PMFBP1: variants seen among roughly 807,000 people sequenced by gnomAD.
PMFBP1 encodes polyamine-modulated factor 1-binding protein 1.
A neutral mutation model predicts 137.8 loss-of-function variants in PMFBP1; 131 were observed. The ratio of observed to expected loss-of-function variants is 0.95; its 90% CI spans 0.82 to 1.10. The LOEUF (loss-of-function observed/expected upper bound fraction) is 1.10. PMFBP1 is among the 50% of genes least tolerant of loss of function. The pLI, the probability that PMFBP1 is intolerant of heterozygous loss-of-function variation, is 0.00. For synonymous variants in PMFBP1, 490 were observed against 450.4 expected (o/e 1.09, Z -1.11); for missense variants, 1,199 against 1,175.4 (o/e 1.02, Z -0.29).
At chr16:72,143,780 C>T (rs972539613) in intron 5 of PMFBP1, among the ~76,000 whole-genome samples, 1 of 151,824 alleles carries the variant, frequency 6.6e-6, no homozygotes, top group Non-Finnish European at 1.5e-5. Context: ...GTGGCTCATG[C>T]CTGTAATCCC....
chr16:72,171,301 G>A (rs2043217483), intron 1 of PMFBP1, 33 bp from the exon 2 acceptor site: 5 of 1,377,228 alleles, frequency 3.6e-6, no homozygotes, highest in Non-Finnish European at 5.1e-6. Flanking sequence ...GATGGAAAAA[G>A]TATAAATGAG....
At chr16:72,147,902 A>G (rs1341452177) in intron 5 of PMFBP1, among the ~76,000 whole-genome samples, 6 of 152,302 alleles carry the variant, frequency 3.9e-5, no homozygotes, top group African/African-American at 1.4e-4. Context: ...GAGAAATAGG[A>G]ACACTTTTAC....
intron 9 of PMFBP1, 68 bp downstream of exon 9, chr16:72,136,373 GCAGAACC>G: frequency 6.5e-7 from 1 of 1,529,138 alleles, no homozygotes; most frequent in Non-Finnish European, 8.9e-7. Context: ...GTGGGTGAAG[GCAGAACC>G]GGTTAATGCC....
rs2042886627 is a variant in PMFBP1 at position 72,150,620 on chromosome 16, C to CCCG, written c.621_623dup (p.Gly208dup). ...ACTTAAGTCCTACCTGACCCATGAT[C>CCCG]CCGCCGAGTTCCCCCTGCAACATCT... is the stretch of plus-strand genomic sequence containing the variant. On this transcript the variant is annotated inframe_insertion, in exon 5 of 21. Transcript: ENST00000237353. The CCCG allele has an allele frequency of 6.2e-7, 1 of 1,612,804 alleles. No individual in the cohort carries two copies. Among genetic ancestry groups the CCCG allele is most frequent in the Non-Finnish European group, 8.5e-7 (1 of 1,180,016 alleles).
At chr16:72,185,310 C>T in the PMFBP1 span, among the ~76,000 whole-genome samples, 2 of 152,092 alleles carry the variant, frequency 1.3e-5, no homozygotes, top group Admixed American at 1.3e-4. Flanking sequence ...AGGCATGAGC[C>T]ACCGTGCACA....
intron 7 of PMFBP1, among the ~76,000 whole-genome samples, chr16:72,137,819 T>C (rs1428721073): frequency 6.6e-6 from 1 of 151,936 alleles, no homozygotes; most frequent in Non-Finnish European, 1.5e-5. Flanking sequence ...GAGTTATTTG[T>C]GTGATTTCAG....
At chr16:72,212,373 T>C in the PMFBP1 span, among the ~76,000 whole-genome samples, 1 of 152,026 alleles carries the variant, frequency 6.6e-6, no homozygotes, top group Non-Finnish European at 1.5e-5. Flanking sequence ...GATAAACCTG[T>C]CTAGAAGAGG....
rs774439033 is a variant in PMFBP1, at chr16:72,164,829, T to C, written c.100A>G (p.Lys34Glu). 16 of 1,610,342 alleles carry C rather than the reference T, an allele frequency of 9.9e-6. No homozygotes were observed. The highest frequency in any genetic ancestry group is 1.4e-5 in the Non-Finnish European group (16 of 1,176,942). The change falls in exon 3 of 21, where the codon AAG (lysine) becomes GAG (glutamate). Residue 34 changes from lysine (K) to glutamate (E), a missense_variant. Transcript: ENST00000237353. ...LDIKNLHDVC[K>E]RQRKTLQDNQ... ...TCCTGCAAGGTCTTCCTCTGTCTCT[T>C]GCAGACATCGTGCAGATTCTTGATG...
At chr16:72,177,109 G>A (rs534895530), upstream of PMFBP1, among the ~76,000 whole-genome samples, 2 of 152,278 alleles carry the variant, frequency 1.3e-5, no homozygotes, top group Admixed American at 1.3e-4. Context: ...CCATTTTGAA[G>A]TACACAGTCC....
At chr16:72,230,176 T>C in the PMFBP1 span, among the ~76,000 whole-genome samples, 1 of 152,190 alleles carries the variant, frequency 6.6e-6, no homozygotes, top group Non-Finnish European at 1.5e-5. Flanking sequence ...AGCTAGGCAC[T>C]AGGATAATAG....
chr16:72,199,394 C>T, the PMFBP1 span, among the ~76,000 whole-genome samples: 17 of 152,170 alleles, frequency 1.1e-4, no homozygotes, highest in Non-Finnish European at 2.4e-4. Flanking sequence ...TGGCTCATGC[C>T]TGTAATCCCA....
intron 14 of PMFBP1, among the ~76,000 whole-genome samples, chr16:72,128,120 T>C (rs1387644263): frequency 6.6e-6 from 1 of 152,210 alleles, no homozygotes; most frequent in Admixed American, 6.5e-5. Context: ...CCTCCATCTT[T>C]CTTTCCTCTA....
rs1195505335 is a variant in PMFBP1 at position 72,129,018 on chromosome 16, T to C, written c.1950+48A>G. The C allele has an allele frequency of 3.1e-6, 5 of 1,596,568 alleles. No individual in the cohort carries two copies. The Admixed American group carries it at 6.9e-5, about 22-fold the overall frequency. On this transcript the variant is annotated intron_variant, in intron 13 of 20. Transcript: ENST00000237353. ...CCCTGGAGGCCCAGGTGGGGTCATG[T>C]CCCGCTCTGGATTCCTGACCCAGCT...
rs2042351649 is a variant in PMFBP1, at chr16:72,119,942, T to G, written c.2916A>C (p.Lys972Asn). 3.7e-6 allele frequency: 6 copies of G among 1,614,222 alleles called. No homozygotes were observed. The highest frequency in any genetic ancestry group is 5.1e-6 in the Non-Finnish European group (6 of 1,180,028). Reference sequence around the variant, plus strand: ...CCTTCCAGCCCAAGGTGCCGCACACTTTCTCCCTCTGTGTGGACTCCGTTC... The same window carrying G: ...CCTTCCAGCCCAAGGTGCCGCACACGTTCTCCCTCTGTGTGGACTCCGTTC... ...PSRTESTQRE[K>N]VCGTLGWKGL... The change falls in exon 20 of 21, where the codon AAA (lysine) becomes AAC (asparagine). Residue 972 changes from lysine to asparagine, a missense_variant. By Grantham distance (94) the Lys-to-Asn change is moderately conservative. Transcript: ENST00000237353.
chr16:72,140,442 A>T lies in PMFBP1; in HGVS notation c.777T>A (p.Leu259=), dbSNP rs779574424. 1.9e-6 allele frequency: 3 copies of T among 1,613,940 alleles called. No individual in the cohort carries two copies. The East Asian group carries it at 6.7e-5, about 36-fold the overall frequency. The change falls in exon 6 of 21, where the codon CTT becomes CTA. Residue 259 remains leucine, a synonymous_variant. Coordinates refer to ENST00000237353, the MANE Select transcript of PMFBP1 (RefSeq NM_031293.3). ...CGTTACTGCAGGCCAGCTTATTTCG[A>T]AGTTCTTGAATGAGATCATCCTGTT... ...VSQQDDLIQE[L]RNKLACSNAL...
the PMFBP1 span, among the ~76,000 whole-genome samples, chr16:72,197,989 T>C: frequency 6.6e-6 from 1 of 152,194 alleles, no homozygotes; most frequent in Non-Finnish European, 1.5e-5. Context: ...AGCATTCCCT[T>C]CTTGTTGGCA....
chr16:72,150,172 C>T (rs1049439374), intron 5 of PMFBP1, among the ~76,000 whole-genome samples: 2 of 152,150 alleles, frequency 1.3e-5, no homozygotes, highest in African/African-American at 2.4e-5. Flanking sequence ...CCTAGCAGAG[C>T]CCCCTGCCGG....
chr16:72,118,183 A>C (rs1011300671), downstream of PMFBP1, among the ~76,000 whole-genome samples: 1 of 152,238 alleles, frequency 6.6e-6, no homozygotes, highest in Non-Finnish European at 1.5e-5. Context: ...CTTTAGTTTG[A>C]ATAAAGCAAG....
chr16:72,228,116 G>A, the PMFBP1 span, among the ~76,000 whole-genome samples: 3 of 151,996 alleles, frequency 2.0e-5, no homozygotes, highest in Non-Finnish European at 4.4e-5. Flanking sequence ...ACATCTTAAG[G>A]AAAACTTCCC....
Sources: gnomAD v4.1 joint callset for allele counts (sites outside exome capture counted in the v4.1 genomes callset) on GRCh38, gnomAD v4.1.1 for gene constraint, MANE v1.5 for transcripts, NCBI Gene and HGNC (gene_info 2026-07-23, HGNC 2026-07-21) for gene names.